The following ACTR3B variants were observed in gnomAD, a reference collection of about 807,000 sequenced individuals.
ACTR3B encodes actin related protein 3B, also known as actin-related protein 3B.
Under a neutral mutation model 59.0 loss-of-function variants are expected in ACTR3B, and 8 were observed. The observed-to-expected ratio is 0.14, with a 90% CI of 0.08 to 0.24. The LOEUF (loss-of-function observed/expected upper bound fraction) is 0.24, where lower values mean the gene tolerates loss of function less well. ACTR3B is among the 10% of genes least tolerant of loss of function. The probability of loss-of-function intolerance (pLI) is 1.00; values close to 1 mark genes in which losing one functional copy is unlikely to be tolerated. For synonymous variants in ACTR3B, 148 were observed against 197.9 expected, an observed-to-expected ratio of 0.75 and a Z score of 2.12; for missense variants, 245 against 552.3, an observed-to-expected ratio of 0.44 and a Z score of 5.58.
At chr7:152,769,218 A>G (rs558988558) in intron 1 of ACTR3B, among the ~76,000 whole-genome samples, 19 of 152,228 alleles carry the variant, frequency 1.2e-4, no homozygotes, top group East Asian at 1.9e-4. Context: ...AAGGCCTCCT[A>G]TTGTTAGTAA....
intron 3 of ACTR3B, among the ~76,000 whole-genome samples, chr7:152,801,061 A>G (rs1352370204): frequency 1.3e-5 from 2 of 152,380 alleles, no homozygotes; most frequent in South Asian, 2.1e-4. Flanking sequence ...GCAGTTTTCT[A>G]TCGGTTCCTC....
intron 4 of ACTR3B, among the ~76,000 whole-genome samples, chr7:152,803,470 C>G (rs1478201522): frequency 6.6e-6 from 1 of 152,164 alleles, no homozygotes; most frequent in Non-Finnish European, 1.5e-5. Flanking sequence ...CCTTCTGTAG[C>G]ATATCACATA....
chr7:152,759,892 T>C lies in ACTR3B; in HGVS notation c.10T>C (p.Ser4Pro), dbSNP rs1470083889. Residue 4 changes from serine (S) to proline (P), a missense_variant, in exon 1 of 12, where the codon TCC becomes CCC. Transcript: ENST00000256001. MAG[S>P]LPPCVVDCGT... ...GCCGCGCGTCCCGAGCATGGCAGGC[T>C]CCCTGCCTCCCTGCGTGGTGGACTG... 2 of 1,371,042 alleles carry C rather than the reference T, an allele frequency of 1.5e-6. No homozygotes were observed. The highest frequency in any genetic ancestry group is 5.3e-5 in the Admixed American group (2 of 37,416). 84.9% of individuals were successfully genotyped at this position (1,371,042 alleles called of 1,614,324 possible).
In ACTR3B at chr7:152,820,415, G is replaced by A; in HGVS notation, c.657G>A (p.Gln219=). 2 of 1,604,296 alleles carry A rather than the reference G, an allele frequency of 1.2e-6. No homozygotes were observed. Among genetic ancestry groups the A allele is most frequent in the Non-Finnish European group, 1.7e-6 (2 of 1,173,900 alleles). Residue 219 remains glutamine, a synonymous_variant, in exon 7 of 12, where the codon CAG becomes CAA. Coordinates refer to ENST00000256001, the MANE Select transcript of ACTR3B (RefSeq NM_020445.6). ...REREVGIPPE[Q]SLETAKAIKE... ...GGGAGGTGGGAATCCCTCCTGAGCA[G>A]TCACTGGAGACCGCAAAAGCCATTA...
intron 7 of ACTR3B, among the ~76,000 whole-genome samples, chr7:152,822,364 T>A (rs1796241912): frequency 6.6e-6 from 1 of 152,236 alleles, no homozygotes; most frequent in Non-Finnish European, 1.5e-5. Context: ...GGGGGTCACC[T>A]GCTGCTATGC....
At chr7:152,822,520 G>A (rs950121431) in intron 7 of ACTR3B, among the ~76,000 whole-genome samples, 58 of 152,238 alleles carry the variant, frequency 3.8e-4, no homozygotes, top group Admixed American at 1.1e-3. Context: ...AGCAGCAGCA[G>A]CATCCTGGCG....
chr7:152,785,511 G>GAGA lies in ACTR3B; in HGVS notation c.100+2269_100+2270insAGA, dbSNP rs1395722210. Among the ~76,000 whole-genome samples the GAGA allele has an allele frequency of 4.4e-5, 5 of 113,104 alleles. No homozygotes were observed. The East Asian group carries it at 9.4e-4, about 21-fold the overall frequency. The allele number at this position is 113,104 out of a possible 152,430, so 74.2% of individuals were successfully genotyped here. A position where few individuals can be genotyped will look rare whatever the true frequency, so the allele number is the denominator to read the frequency against. The stretch of plus-strand genomic sequence containing the variant: ...AGAGAGACAGAGAGAGAGAGAGAGA[G>GAGA]GAGAGAGAAGAGAGAGAAGAGAGGC... On this transcript the variant is annotated intron_variant, in intron 2 of 11. Transcript: ENST00000256001.
chr7:152,828,968 T>G (rs576777156), intron 9 of ACTR3B, among the ~76,000 whole-genome samples: 1 of 152,202 alleles, frequency 6.6e-6, no homozygotes, highest in South Asian at 2.1e-4. Context: ...TTTATTGAAA[T>G]ATAATTTTTA....
At chr7:152,835,249 T>A (rs900252568) in intron 9 of ACTR3B, among the ~76,000 whole-genome samples, 1 of 152,212 alleles carries the variant, frequency 6.6e-6, no homozygotes, top group African/African-American at 2.4e-5. Flanking sequence ...AGGTGCAGGA[T>A]GGGCCAGGCG....
At position 152,852,237 on chromosome 7, in the gene ACTR3B, G is replaced by A. The variant is rs772980591; in HGVS notation, c.1063G>A (p.Gly355Ser). The A allele has an allele frequency of 5.0e-6, 8 of 1,613,320 alleles. No individual in the cohort carries two copies. The highest frequency in any genetic ancestry group is 1.6e-4 in the Middle Eastern group (1 of 6,064). The change falls in exon 10 of 12, where the codon GGC becomes AGC. Residue 355 changes from glycine (G) to serine (S), a missense_variant. By Grantham distance (56) the Gly-to-Ser change is moderately conservative. Transcript: ENST00000256001. ...GCTGAGGCTCAGCGAGGAGCTCAGCGGCGGGAGGATCAAGGTAGGAGCCAG... is the reference window on the plus strand; with the variant it reads ...GCTGAGGCTCAGCGAGGAGCTCAGCAGCGGGAGGATCAAGGTAGGAGCCAG... The part of the protein sequence containing the change: ...ARLRLSEELS[G>S]GRIKPKPVEV...
At chr7:152,845,867 A>C (rs1417609970) in intron 9 of ACTR3B, among the ~76,000 whole-genome samples, 1 of 152,260 alleles carries the variant, frequency 6.6e-6, no homozygotes, top group Non-Finnish European at 1.5e-5. Flanking sequence ...GTGAAAATAA[A>C]GATTCAGCCA....
chr7:152,765,127 T>TTTTTTTTTTTTGGGGTTGGG (rs763910323), intron 1 of ACTR3B, among the ~76,000 whole-genome samples: 1 of 122,558 alleles, frequency 8.2e-6, no homozygotes, highest in Non-Finnish European at 1.7e-5. Context: ...TTTTTTTTTT[T>TTTTTTTTTTTTGGGGTTGGG]TTTTCCGGAG....
In ACTR3B at chr7:152,791,156, G is replaced by T. The variant is rs549957232; in HGVS notation, c.100+7914G>T. 2.8e-3 allele frequency among the ~76,000 whole-genome samples: 425 copies of T among 151,820 alleles called. 3 individuals carry two copies. Among genetic ancestry groups the T allele is most frequent in the African/African-American group, 9.8e-3 (406 of 41,406 alleles). Reference sequence around the variant, plus strand: ...CTCCCAAGTAGCTGGGATTACTGACGTGTGCCACCATGCCCGGCTGATTTT... The same window carrying T: ...CTCCCAAGTAGCTGGGATTACTGACTTGTGCCACCATGCCCGGCTGATTTT... On this transcript the variant is annotated intron_variant, in intron 2 of 11. Coordinates refer to ENST00000256001, the MANE Select transcript of ACTR3B (RefSeq NM_020445.6).
At chr7:152,837,236 T>G (rs1302847244) in intron 9 of ACTR3B, among the ~76,000 whole-genome samples, 1 of 152,250 alleles carries the variant, frequency 6.6e-6, no homozygotes, top group African/African-American at 2.4e-5. Flanking sequence ...AATGTGTATA[T>G]TTCTGAGGTA....
intron 2 of ACTR3B, among the ~76,000 whole-genome samples, chr7:152,791,819 A>G (rs542219896): frequency 3.3e-5 from 5 of 152,282 alleles, no homozygotes; most frequent in African/African-American, 1.2e-4. Context: ...ATGTTCTTCA[A>G]TAGATTAATA....
rs35593375 is a variant in ACTR3B at position 152,808,699 on chromosome 7, G to C, written c.337-5851G>C. 6.2e-4 allele frequency among the ~76,000 whole-genome samples: 95 copies of C among 152,242 alleles called. 1 individual carries two copies. Among genetic ancestry groups the C allele is most frequent in the African/African-American group, 2.2e-3 (92 of 41,542 alleles). ...CAGTTTAAATATTTTGTTTATTTCA[G>C]TTATAATTATGCTTGGGTTCCTATT... On this transcript the variant is annotated intron_variant, in intron 4 of 11. Transcript: ENST00000256001.
chr7:152,766,229 C>T (rs1382559063), intron 1 of ACTR3B, among the ~76,000 whole-genome samples: 1 of 152,198 alleles, frequency 6.6e-6, no homozygotes, highest in African/African-American at 2.4e-5. Flanking sequence ...CCCGAGTCCT[C>T]ACCCAGTGCA....
chr7:152,764,005 TTTTA>T (rs768117787), intron 1 of ACTR3B, among the ~76,000 whole-genome samples: 11 of 151,872 alleles, frequency 7.2e-5, no homozygotes, highest in Admixed American at 2.6e-4. Flanking sequence ...GTTCTTTATT[TTTTA>T]TTTATTTATT....
intron 9 of ACTR3B, among the ~76,000 whole-genome samples, chr7:152,848,104 C>T (rs868048524): frequency 1.8e-4 from 28 of 152,186 alleles, no homozygotes; most frequent in African/African-American, 5.3e-4. Context: ...TAGCTCAGAA[C>T]GTGGAGATGA....
Sources: gnomAD v4.1 joint callset for allele counts (sites outside exome capture counted in the v4.1 genomes callset) on GRCh38, gnomAD v4.1.1 for gene constraint, MANE v1.5 for transcripts, NCBI Gene and HGNC (gene_info 2026-07-23, HGNC 2026-07-21) for gene names.